SNRK: variants seen among roughly 807,000 people sequenced by gnomAD.
The protein encoded by SNRK is SNF-related serine/threonine-protein kinase.
Under a neutral mutation model 48.2 loss-of-function variants are expected in SNRK, and 3 were observed. The ratio of observed to expected loss-of-function variants is 0.06; its 90% CI spans 0.03 to 0.16. SNRK has a LOEUF of 0.16. Ranked by LOEUF, SNRK falls within the 10% of genes least tolerant of loss-of-function variation. The pLI is 1.00. For synonymous variants in SNRK, 376 were observed against 366.1 expected (o/e 1.03, Z -0.31); for missense variants, 627 against 976.0 (o/e 0.64, Z 4.76).
At chr3:43,289,658 C>T (rs1038223207) in intron 1 of SNRK, 1 of 152,700 alleles carries the variant, frequency 6.5e-6, no homozygotes, top group Admixed American at 6.5e-5. Flanking sequence ...CCATTTCTTG[C>T]TGGTGGTAGG....
At chr3:43,325,653 A>G (rs1161661041) in intron 3 of SNRK, among the ~76,000 whole-genome samples, 2 of 152,194 alleles carry the variant, frequency 1.3e-5, no homozygotes, top group African/African-American at 4.8e-5. Flanking sequence ...GCTAAATTTA[A>G]ATGTTTCTTC....
At chr3:43,326,118 C>G (rs1228013919) in intron 3 of SNRK, among the ~76,000 whole-genome samples, 1 of 152,042 alleles carries the variant, frequency 6.6e-6, no homozygotes, top group African/African-American at 2.4e-5. Context: ...ATTGATAACA[C>G]TTTGACTTCT....
At chr3:43,346,557 C>T (rs989935440) in intron 6 of SNRK, among the ~76,000 whole-genome samples, 7 of 152,210 alleles carry the variant, frequency 4.6e-5, no homozygotes, top group African/African-American at 1.7e-4. Flanking sequence ...TTGTTATTCA[C>T]TACTCTTGTA....
intron 4 of SNRK, chr3:43,333,358 CAAAAAAAAAAAAAAAAA>C (rs33994267): frequency 2.9e-4 from 18 of 62,314 alleles, no homozygotes; most frequent in East Asian, 1.1e-3. Flanking sequence ...GACTCTGTCT[CAAAAAAAAAAAAAAAAA>C]AAAAAAAAAA....
chr3:43,311,275 A>G (rs2090977117), intron 3 of SNRK, among the ~76,000 whole-genome samples: 1 of 152,070 alleles, frequency 6.6e-6, no homozygotes. Context: ...AATCCTTCTA[A>G]TGGTTGTCTG....
At chr3:43,305,027 C>G (rs2090926580) in intron 3 of SNRK, among the ~76,000 whole-genome samples, 1 of 151,948 alleles carries the variant, frequency 6.6e-6, no homozygotes, top group African/African-American at 2.4e-5. Context: ...AAATCTTCAC[C>G]CTCATTAGTG....
At chr3:43,334,793 C>T (rs1251541869) in intron 4 of SNRK, among the ~76,000 whole-genome samples, 7 of 152,102 alleles carry the variant, frequency 4.6e-5, no homozygotes, top group African/African-American at 1.7e-4. Context: ...AAGGTTTTAA[C>T]ATGTTGGCCG....
At chr3:43,302,091 T>G (rs746115182) in intron 2 of SNRK, among the ~76,000 whole-genome samples, 27 of 152,202 alleles carry the variant, frequency 1.8e-4, no homozygotes, top group Non-Finnish European at 4.0e-4. Flanking sequence ...ACTCTTGGAA[T>G]ATAATCACGT....
intron 3 of SNRK, chr3:43,314,924 T>C (rs1187725220): frequency 1.3e-5 from 2 of 152,082 alleles, no homozygotes; most frequent in African/African-American, 4.8e-5. Context: ...AATTTTCTCT[T>C]TGGTTTATAA....
rs188074615 is a variant in SNRK, at chr3:43,316,710, A to G, written c.589+12918A>G. ...AAAACCATGTTTTAGACCCCTTGGAAATTTTTTCTGATGTGTGTCCTCAGA... is the reference window on the plus strand; with the variant it reads ...AAAACCATGTTTTAGACCCCTTGGAGATTTTTTCTGATGTGTGTCCTCAGA... On this transcript the variant is annotated intron_variant, in intron 3 of 6. Coordinates refer to ENST00000296088, the MANE Select transcript of SNRK (RefSeq NM_017719.5). 1.4e-4 allele frequency among the ~76,000 whole-genome samples: 22 copies of G among 151,968 alleles called. No individual in the cohort carries two copies. The East Asian group carries it at 3.7e-3, about 25-fold the overall frequency.
At chr3:43,289,378 CAA>C (rs1263133376) in intron 1 of SNRK, among the ~76,000 whole-genome samples, 1 of 152,118 alleles carries the variant, frequency 6.6e-6, no homozygotes, top group Non-Finnish European at 1.5e-5. Flanking sequence ...TGAGACAATG[CAA>C]CTGTTCTTTC....
At chr3:43,313,424 C>T (rs1448178193) in intron 3 of SNRK, among the ~76,000 whole-genome samples, 1 of 152,136 alleles carries the variant, frequency 6.6e-6, no homozygotes, top group Non-Finnish European at 1.5e-5. Context: ...GGATGGATTT[C>T]AAGGGGCAAC....
At chr3:43,324,902 G>T (rs2091083411) in intron 3 of SNRK, among the ~76,000 whole-genome samples, 1 of 152,178 alleles carries the variant, frequency 6.6e-6, no homozygotes, top group African/African-American at 2.4e-5. Flanking sequence ...CTCAAATGAG[G>T]AAGTTAGTTT....
At chr3:43,346,157 C>T (rs2091274133) in intron 6 of SNRK, among the ~76,000 whole-genome samples, 2 of 152,208 alleles carry the variant, frequency 1.3e-5, no homozygotes, top group African/African-American at 4.8e-5. Flanking sequence ...GACGTGGCCA[C>T]ACAGTGTTAG....
At chr3:43,289,631 C>G (rs1229408529) in intron 1 of SNRK, 1 of 152,756 alleles carries the variant, frequency 6.5e-6, no homozygotes, top group Non-Finnish European at 1.5e-5. Flanking sequence ...GGTTGTGGCT[C>G]TGTGTCTCAT....
Position 43,348,793 on chromosome 3 carries a change from GTGGA to G in SNRK, c.*239_*242del, listed in dbSNP as rs1350658859. On this transcript the variant is annotated 3_prime_UTR_variant, in exon 7 of 7. Transcript: ENST00000296088. ...TAATTTTTACATTCATAATTTTAAT[GTGGA>G]TGATCAGGATTAAATCAAGATATAT... The G allele has an allele frequency of 7.7e-6, 3 of 390,424 alleles. No homozygotes were observed. The highest frequency in any genetic ancestry group is 1.4e-5 in the Non-Finnish European group (3 of 221,380). 24.2% of individuals were successfully genotyped at this position (390,424 alleles called of 1,614,324 possible).
intron 6 of SNRK, among the ~76,000 whole-genome samples, chr3:43,345,128 G>A (rs1246502666): frequency 1.3e-5 from 2 of 152,166 alleles, no homozygotes; most frequent in African/African-American, 4.8e-5. Flanking sequence ...AAATACCAGA[G>A]CTTTCTGAAC....
At chr3:43,323,168 G>A (rs953484269) in intron 3 of SNRK, among the ~76,000 whole-genome samples, 21 of 151,898 alleles carry the variant, frequency 1.4e-4, no homozygotes, top group African/African-American at 4.4e-4. Flanking sequence ...AGTACCTCAC[G>A]CCATGTGTAA....
chr3:43,318,041 G>A (rs1261911672), intron 3 of SNRK, among the ~76,000 whole-genome samples: 3 of 152,148 alleles, frequency 2.0e-5, no homozygotes, highest in East Asian at 1.9e-4. Flanking sequence ...TGTTTCTATG[G>A]TGTTGCTGCT....
Sources: gnomAD v4.1 joint callset for allele counts (sites outside exome capture counted in the v4.1 genomes callset) on GRCh38, gnomAD v4.1.1 for gene constraint, MANE v1.5 for transcripts, NCBI Gene and HGNC (gene_info 2026-07-23, HGNC 2026-07-21) for gene names.